The following RFTN1 variants were observed in gnomAD, a reference collection of about 807,000 sequenced individuals.
RFTN1 encodes raftlin.
Under a neutral mutation model 46.5 loss-of-function variants are expected in RFTN1, and 26 were observed. That is an observed-to-expected ratio of 0.56 (90% CI 0.41 to 0.78). RFTN1 has a LOEUF of 0.78. Among genes scored for constraint, RFTN1 ranks in the 30% least tolerant of loss-of-function variants. RFTN1 has a pLI of 0.00. For synonymous variants in RFTN1, 261 were observed against 284.2 expected (o/e 0.92, Z 0.82); for missense variants, 693 against 718.7 (o/e 0.96, Z 0.41).
rs1317866767 is a variant in RFTN1, at chr3:16,498,015, A to G, written c.-8-4138T>C. Among the ~76,000 whole-genome samples, 2 of 152,180 alleles carry G rather than the reference A, an allele frequency of 1.3e-5. No homozygotes were observed. Among genetic ancestry groups the G allele is most frequent in the African/African-American group, 2.4e-5 (1 of 41,436 alleles). The stretch of plus-strand genomic sequence containing the variant: ...TGATTCACAAGAGTTTAAAGTTTCA[A>G]TCAGACTCCCAACCTTGAGGCTTCT... On this transcript the variant is annotated intron_variant, in intron 1 of 9. Coordinates refer to ENST00000334133, the MANE Select transcript of RFTN1 (RefSeq NM_015150.2). This position sits in a 1 kb window ranked among gnomAD's most constrained non-coding sequence, Gnocchi z 5.2.
Position 16,345,817 on chromosome 3 carries a change from T to TGTGCGC in RFTN1, c.1146+12114_1146+12115insGCGCAC, listed in dbSNP as rs1160939614. ...GTGTGTGTGTGTGTGTGTGTGTGTG[T>TGTGCGC]GCGCGCGCGCGTGCGCGCACGCGCA... On this transcript the variant is annotated intron_variant, in intron 7 of 9. Coordinates refer to ENST00000334133, the MANE Select transcript of RFTN1 (RefSeq NM_015150.2). The surrounding 1 kb of genome is among the most constrained non-coding windows in gnomAD (Gnocchi z 5.2). Among the ~76,000 whole-genome samples the TGTGCGC allele has an allele frequency of 4.0e-5, 3 of 74,618 alleles. No individual in the cohort carries two copies. Among genetic ancestry groups the TGTGCGC allele is most frequent in the Admixed American group, 1.2e-4 (1 of 8,364 alleles). 49.0% of individuals were successfully genotyped at this position (74,618 alleles called of 152,430 possible). A position where few individuals can be genotyped will look rare whatever the true frequency, so the allele number is the denominator to read the frequency against.
Position 16,381,102 on chromosome 3 carries a change from G to A in RFTN1, c.442-3000C>T, listed in dbSNP as rs1166870042. 6.6e-6 allele frequency among the ~76,000 whole-genome samples: 1 copy of A among 152,098 alleles called. No homozygotes were observed. Among genetic ancestry groups the A allele is most frequent in the Admixed American group, 6.5e-5 (1 of 15,272 alleles). On this transcript the variant is annotated intron_variant, in intron 4 of 9. Coordinates refer to ENST00000334133, the MANE Select transcript of RFTN1 (RefSeq NM_015150.2). The surrounding 1 kb of genome is among the most constrained non-coding windows in gnomAD (Gnocchi z 4.2). ...GTTTAAAAATAATTACACTATCATG[G>A]AACAATTAATGCTTGAAATGACATA...
At chr3:16,379,968 C>A (rs1247549942) in intron 4 of RFTN1, among the ~76,000 whole-genome samples, 1 of 152,188 alleles carries the variant, frequency 6.6e-6, no homozygotes, top group Non-Finnish European at 1.5e-5. Context: ...GGTTTTACAG[C>A]CCTCAAATGA....
rs994779101 is a variant in RFTN1, at chr3:16,427,564, G to C, written c.332+6287C>G. ...AGTACAGCTTGCTGATATGGCCTAAGAGGAAACATTTCACAGACTCCAAGC... is the reference window on the plus strand; with the variant it reads ...AGTACAGCTTGCTGATATGGCCTAACAGGAAACATTTCACAGACTCCAAGC... On this transcript the variant is annotated intron_variant, in intron 3 of 9. Coordinates refer to ENST00000334133, the MANE Select transcript of RFTN1 (RefSeq NM_015150.2). The surrounding 1 kb of genome is among the most constrained non-coding windows in gnomAD (Gnocchi z 5.4). Among the ~76,000 whole-genome samples, 1 of 152,228 alleles carries C rather than the reference G, an allele frequency of 6.6e-6. No individual in the cohort carries two copies. The highest frequency in any genetic ancestry group is 1.9e-4 in the East Asian group (1 of 5,202).
At position 16,346,683 on chromosome 3, in the gene RFTN1, G is replaced by C. The variant is rs75702557; in HGVS notation, c.1146+11249C>G. Among the ~76,000 whole-genome samples the C allele has an allele frequency of 9.8e-3, 1,498 of 152,276 alleles. 29 individuals carry two copies. Among genetic ancestry groups the C allele is most frequent in the African/African-American group, 0.034 (1,431 of 41,538 alleles). On this transcript the variant is annotated intron_variant, in intron 7 of 9. Coordinates refer to ENST00000334133, the MANE Select transcript of RFTN1 (RefSeq NM_015150.2). This position sits in a 1 kb window ranked among gnomAD's most constrained non-coding sequence, Gnocchi z 4.4. ...GCCAATGAGACCTGAGGAAATCTCT[G>C]TTGTGGGTTTCTGGGAAAGCTTTTA...
intron 2 of RFTN1, among the ~76,000 whole-genome samples, chr3:16,441,802 A>G (rs1425130003): frequency 6.6e-6 from 1 of 152,252 alleles, no homozygotes; most frequent in African/African-American, 2.4e-5. Flanking sequence ...TGAAGCTGAT[A>G]ATGTTACACT....
chr3:16,367,938 A>C (rs2073298926), intron 6 of RFTN1, among the ~76,000 whole-genome samples: 1 of 152,138 alleles, frequency 6.6e-6, no homozygotes, highest in African/African-American at 2.4e-5. Context: ...GAGGGGAAGA[A>C]ATTCCAAGTG....
chr3:16,338,659 G>T lies in RFTN1; in HGVS notation c.1147-11783C>A, dbSNP rs534568260. Among the ~76,000 whole-genome samples, 5 of 152,348 alleles carry T rather than the reference G, an allele frequency of 3.3e-5. No individual in the cohort carries two copies. The South Asian group carries it at 1.0e-3, about 32-fold the overall frequency. On this transcript the variant is annotated intron_variant, in intron 7 of 9. Coordinates refer to ENST00000334133, the MANE Select transcript of RFTN1 (RefSeq NM_015150.2). This position sits in a 1 kb window ranked among gnomAD's most constrained non-coding sequence, Gnocchi z 5.3. ...TGAGAGAGAAAACTAGGCTTTCTGG[G>T]AGTAAATGGGACTTGCTACTTTATT...
intron 3 of RFTN1, among the ~76,000 whole-genome samples, chr3:16,412,877 A>G (rs1575251740): frequency 6.6e-6 from 1 of 152,210 alleles, no homozygotes; most frequent in Non-Finnish European, 1.5e-5. Context: ...CCAGTCCTAC[A>G]ACTACAAGGA....
At position 16,377,709 on chromosome 3, in the gene RFTN1, C is replaced by T. The variant is rs2073831353; in HGVS notation, c.826+9G>A. 4 of 1,572,348 alleles carry T rather than the reference C, an allele frequency of 2.5e-6. No homozygotes were observed. Among genetic ancestry groups the T allele is most frequent in the Non-Finnish European group, 3.5e-6 (4 of 1,153,818 alleles). ...AGTGGGTCAAAACTCCCATTGCTGACATACTTACTCCCTGAGAGTGGCTCT... is the reference window on the plus strand; with the variant it reads ...AGTGGGTCAAAACTCCCATTGCTGATATACTTACTCCCTGAGAGTGGCTCT... On this transcript the variant is annotated intron_variant, in intron 5 of 9. Transcript: ENST00000334133.
intron 1 of RFTN1, among the ~76,000 whole-genome samples, chr3:16,496,954 G>C (rs553905990): frequency 1.3e-5 from 2 of 152,192 alleles, no homozygotes; most frequent in Non-Finnish European, 2.9e-5. Context: ...AAAAAGGAGT[G>C]GGGGTGGGGG....
chr3:16,358,068 G>T, intron 6 of RFTN1, 21 bp from the exon 7 acceptor site: 1 of 1,297,352 alleles, frequency 7.7e-7, no homozygotes, highest in Non-Finnish European at 1.1e-6. Context: ...AGAAAAAGGC[G>T]GGGGTGGGGG....
In RFTN1 at chr3:16,351,438, G is replaced by A. The variant is rs180765968; in HGVS notation, c.1146+6494C>T. ...AAGCGAATAGTATGAAATAAAATGG[G>A]GGTTAACTCAACAAAAGATTGAATA... On this transcript the variant is annotated intron_variant, in intron 7 of 9. Coordinates refer to ENST00000334133, the MANE Select transcript of RFTN1 (RefSeq NM_015150.2). This position sits in a 1 kb window ranked among gnomAD's most constrained non-coding sequence, Gnocchi z 5.4. Among the ~76,000 whole-genome samples, 1 of 152,290 alleles carries A rather than the reference G, an allele frequency of 6.6e-6. No individual in the cohort carries two copies. Among genetic ancestry groups the A allele is most frequent in the East Asian group, 1.9e-4 (1 of 5,190 alleles).
At chr3:16,454,434 C>A (rs560170816) in intron 2 of RFTN1, among the ~76,000 whole-genome samples, 2 of 152,236 alleles carry the variant, frequency 1.3e-5, no homozygotes, top group South Asian at 4.2e-4. Context: ...TAAATCAGAC[C>A]TGCATTTCAA....
rs561111693 is a variant in RFTN1 at position 16,499,166 on chromosome 3, T to C, written c.-8-5289A>G. On this transcript the variant is annotated intron_variant, in intron 1 of 9. Coordinates refer to ENST00000334133, the MANE Select transcript of RFTN1 (RefSeq NM_015150.2). This position sits in a 1 kb window ranked among gnomAD's most constrained non-coding sequence, Gnocchi z 4.9. ...CTCTCACATGGGTCAAAGTCTCTAG[T>C]AAGGTGGAAGGTAAATGGTAAGTAG... 5.8e-4 allele frequency among the ~76,000 whole-genome samples: 89 copies of C among 152,328 alleles called. No individual in the cohort carries two copies. The highest frequency in any genetic ancestry group is 1.6e-3 in the Admixed American group (25 of 15,304).
chr3:16,345,848 GCA>G lies in RFTN1; in HGVS notation c.1146+12082_1146+12083del, dbSNP rs571589932. Among the ~76,000 whole-genome samples the G allele has an allele frequency of 0.23, 19,226 of 82,684 alleles. 1,441 individuals carry two copies. The highest frequency in any genetic ancestry group is 0.42 in the Middle Eastern group (62 of 148). The allele number at this position is 82,684 out of a possible 152,430, so 54.2% of individuals were successfully genotyped here. A position where few individuals can be genotyped will look rare whatever the true frequency, so the allele number is the denominator to read the frequency against. On this transcript the variant is annotated intron_variant, in intron 7 of 9. Transcript: ENST00000334133. This position sits in a 1 kb window ranked among gnomAD's most constrained non-coding sequence, Gnocchi z 5.2. Reference sequence around the variant, plus strand: ...CGCGCGTGCGCGCACGCGCACATGTGCATGTGTATGTGTATAATCTCCTACTG... The same window carrying G: ...CGCGCGTGCGCGCACGCGCACATGTGTGTGTATGTGTATAATCTCCTACTG...
intron 4 of RFTN1, 134 bp from the exon 5 acceptor site, chr3:16,378,236 G>A: frequency 2.8e-6 from 2 of 709,214 alleles, no homozygotes; most frequent in South Asian, 1.9e-5. Flanking sequence ...AAGCTGACAG[G>A]AACTCCATGT....
chr3:16,323,942 A>G (rs2069375709), intron 8 of RFTN1, among the ~76,000 whole-genome samples: 1 of 152,230 alleles, frequency 6.6e-6, no homozygotes, highest in Middle Eastern at 3.2e-3. Context: ...AAGACTGCAC[A>G]GCACCAGGCG....
chr3:16,373,333 C>T (rs560648), intron 5 of RFTN1, among the ~76,000 whole-genome samples: 61,881 of 151,938 alleles, frequency 0.41, 12,938 homozygotes, highest in Non-Finnish European at 0.46. Context: ...TCCTGTTACA[C>T]GTGTTCACCG....
Sources: gnomAD v4.1 joint callset for allele counts (sites outside exome capture counted in the v4.1 genomes callset) on GRCh38, gnomAD v4.1.1 for gene constraint, Gnocchi (gnomAD v3.1) non-coding constraint, MANE v1.5 for transcripts, NCBI Gene and HGNC (gene_info 2026-07-23, HGNC 2026-07-21) for gene names.